DUS2: variants seen among roughly 807,000 people sequenced by gnomAD.
DUS2 encodes the protein dihydrouridine synthase 2, also known as tRNA-dihydrouridine(20) synthase [NAD(P)+]-like.
In DUS2, 52 loss-of-function variants were observed where a neutral mutation model predicts 71.3. The ratio of observed to expected loss-of-function variants is 0.73; its 90% CI spans 0.58 to 0.92. DUS2 has a LOEUF of 0.92. Among genes scored for constraint, DUS2 ranks in the 40% least tolerant of loss-of-function variants. The pLI, the probability that DUS2 is intolerant of heterozygous loss-of-function variation, is 0.00. For synonymous variants in DUS2, 204 were observed against 227.8 expected (o/e 0.90, Z 0.94); for missense variants, 558 against 622.6 (o/e 0.90, Z 1.10).
chr16:68,033,101 G>A (rs1055219524), intron 2 of DUS2, among the ~76,000 whole-genome samples: 25 of 152,166 alleles, frequency 1.6e-4, no homozygotes, highest in African/African-American at 6.0e-4. Context: ...AAACGGGGGA[G>A]TGGTATTATC....
chr16:68,026,000 G>C (rs1006654638), intron 2 of DUS2, among the ~76,000 whole-genome samples: 8 of 152,076 alleles, frequency 5.3e-5, no homozygotes, highest in African/African-American at 1.7e-4. Flanking sequence ...ATTGATTTGG[G>C]TTAAGGCCTA....
chr16:68,050,697 A>C (rs975624743), intron 4 of DUS2, among the ~76,000 whole-genome samples: 3 of 152,128 alleles, frequency 2.0e-5, no homozygotes, highest in Admixed American at 6.6e-5. Context: ...ATCTATATCT[A>C]TATTTATCTA....
chr16:68,041,860 T>G (rs937892103), intron 3 of DUS2, among the ~76,000 whole-genome samples: 2 of 152,110 alleles, frequency 1.3e-5, no homozygotes, highest in African/African-American at 4.8e-5. Context: ...AGTTTTTTTT[T>G]TCTTATTGTG....
chr16:68,032,718 C>T (rs1481778477), intron 2 of DUS2, among the ~76,000 whole-genome samples: 1 of 151,826 alleles, frequency 6.6e-6, no homozygotes. Flanking sequence ...ACCTGTAATC[C>T]CAGCTCTTTG....
chr16:68,050,037 T>C (rs566987617), intron 4 of DUS2, among the ~76,000 whole-genome samples: 1 of 152,332 alleles, frequency 6.6e-6, no homozygotes, highest in Non-Finnish European at 1.5e-5. Flanking sequence ...GTGATTGTGA[T>C]GAATTGTAGT....
chr16:68,029,511 A>G (rs1379723485), intron 2 of DUS2, among the ~76,000 whole-genome samples: 2 of 151,952 alleles, frequency 1.3e-5, no homozygotes, highest in Middle Eastern at 3.4e-3. Context: ...CAGTGATACG[A>G]TCTTGGCTCA....
intron 4 of DUS2, among the ~76,000 whole-genome samples, chr16:68,052,653 T>TC (rs1282442801): frequency 6.6e-6 from 1 of 152,018 alleles, no homozygotes; most frequent in African/African-American, 2.4e-5. Flanking sequence ...GACTTTTTTT[T>TC]TTTTTTTGAG....
At chr16:68,033,573 C>G (rs1389914510) in intron 2 of DUS2, among the ~76,000 whole-genome samples, 1 of 150,966 alleles carries the variant, frequency 6.6e-6, no homozygotes, top group Non-Finnish European at 1.5e-5. Flanking sequence ...CAGCCTCAAC[C>G]TCCCAGGCCC....
At chr16:68,052,588 T>G (rs968612265) in intron 4 of DUS2, among the ~76,000 whole-genome samples, 2 of 152,138 alleles carry the variant, frequency 1.3e-5, no homozygotes, top group Non-Finnish European at 2.9e-5. Flanking sequence ...TTCAGAGTGA[T>G]GTTTTCTGGG....
At chr16:68,069,096 A>G (rs2034049263) in intron 10 of DUS2, among the ~76,000 whole-genome samples, 1 of 152,078 alleles carries the variant, frequency 6.6e-6, no homozygotes, top group African/African-American at 2.4e-5. Context: ...GTTGAAGAGT[A>G]TAGTAGAGGG....
At chr16:68,044,780 T>G (rs1402586594) in intron 3 of DUS2, among the ~76,000 whole-genome samples, 2 of 152,096 alleles carry the variant, frequency 1.3e-5, no homozygotes, top group African/African-American at 4.8e-5. Flanking sequence ...TTATTTCCTA[T>G]GTGTTTTATT....
intron 10 of DUS2, 119 bp downstream of exon 10, chr16:68,066,755 C>A (rs1442115713): frequency 2.1e-6 from 2 of 957,134 alleles, no homozygotes; most frequent in African/African-American, 3.2e-5. Flanking sequence ...TTCAGCCTAC[C>A]TCTGCCTAGC....
chr16:68,074,757 T>C (rs1372200782), intron 13 of DUS2, among the ~76,000 whole-genome samples: 1 of 152,244 alleles, frequency 6.6e-6, no homozygotes, highest in Non-Finnish European at 1.5e-5. Context: ...TCTGAACCAC[T>C]TTTGCCATTG....
At chr16:68,037,259 T>C (rs754449854) in intron 2 of DUS2, among the ~76,000 whole-genome samples, 3 of 151,796 alleles carry the variant, frequency 2.0e-5, no homozygotes, top group Non-Finnish European at 4.4e-5. Flanking sequence ...GATGAATGTA[T>C]GTGCATGTAT....
intron 15 of DUS2, 22 bp from the exon 16 acceptor site, chr16:68,078,423 A>ATT (rs774881444): frequency 1.2e-6 from 2 of 1,612,412 alleles, no homozygotes; most frequent in South Asian, 2.2e-5. Flanking sequence ...TGGCCATGTG[A>ATT]TTCCTTTTCT....
In DUS2 at chr16:68,038,045, C is replaced by T; in HGVS notation, c.22C>T (p.Leu8=). The part of the protein sequence containing the change: MILNSLS[L]CYHNKLILAP... Reference sequence around the variant, plus strand: ...GGAAATGATTTTGAATAGCCTCTCTCTGTGTTACCATAATAAGCTAATCCT... The same window carrying T: ...GGAAATGATTTTGAATAGCCTCTCTTTGTGTTACCATAATAAGCTAATCCT... The change falls in exon 3 of 17, where the codon CTG becomes TTG. Residue 8 remains leucine, a synonymous_variant. Transcript: ENST00000565263. The T allele has an allele frequency of 6.2e-7, 1 of 1,613,780 alleles. No individual in the cohort carries two copies. The highest frequency in any genetic ancestry group is 8.5e-7 in the Non-Finnish European group (1 of 1,179,852).
In DUS2 at chr16:68,074,120, G is replaced by T; in HGVS notation, c.897G>T (p.Arg299Ser). Residue 299 changes from arginine (R) to serine (S), a missense_variant, in exon 13 of 17, where the codon AGG becomes AGT. Physicochemically the swap from Arg to Ser is moderately radical, Grantham distance 110 (BLOSUM62 -1). Coordinates refer to ENST00000565263, the MANE Select transcript of DUS2 (RefSeq NM_017803.5). ...AACAGCTGGAGTCGCCCCAGGGAAG[G>T]TTGCTCCATGCTGCCCAGTCTTCCC... Reference protein sequence around the residue: ...LREQLESPQGRLLHAAQSSRE... With the variant: ...LREQLESPQGSLLHAAQSSRE... The T allele has an allele frequency of 6.2e-7, 1 of 1,614,168 alleles. No individual in the cohort carries two copies.
Position 68,056,374 on chromosome 16 carries a change from G to A in DUS2, c.319G>A (p.Val107Met). The change falls in exon 7 of 17, where the codon GTG becomes ATG. Residue 107 changes from valine to methionine, a missense_variant. Val to Met is a conservative substitution (Grantham distance 21). Coordinates refer to ENST00000565263, the MANE Select transcript of DUS2 (RefSeq NM_017803.5). ...LAVARLVEND[V>M]AGIDVNMGCP... is the part of the protein sequence containing the mutation. ...TTCATCCTTTTCCAGAGAAAATGAT[G>A]TGGCTGGTATTGATGTCAACATGGG... 1 of 1,613,514 alleles carries A rather than the reference G, an allele frequency of 6.2e-7. No homozygotes were observed. Among genetic ancestry groups the A allele is most frequent in the Non-Finnish European group, 8.5e-7 (1 of 1,179,694 alleles).
chr16:68,031,843 C>T (rs1451845284), intron 2 of DUS2, among the ~76,000 whole-genome samples: 2 of 152,048 alleles, frequency 1.3e-5, no homozygotes, highest in Non-Finnish European at 2.9e-5. Context: ...TGCAGGTGCA[C>T]ACCACCATGC....
Sources: allele counts gnomAD v4.1 joint callset (sites outside exome capture counted in the v4.1 genomes callset), GRCh38; gene constraint gnomAD v4.1.1; transcripts MANE v1.5; gene names NCBI Gene and HGNC (gene_info 2026-07-23, HGNC 2026-07-21).